LGI3: variants seen among roughly 807,000 people sequenced by gnomAD.
LGI3 encodes leucine rich repeat LGI family member 3, also known as leucine-rich repeat LGI family member 3.
A neutral mutation model predicts 55.4 loss-of-function variants in LGI3; 47 were observed. The observed-to-expected ratio is 0.85, with a 90% CI of 0.67 to 1.08. The LOEUF is 1.08. Among genes scored for constraint, LGI3 ranks in the 50% least tolerant of loss-of-function variants. The pLI is 0.00. For synonymous variants in LGI3, 326 were observed against 315.0 expected (o/e 1.04, Z -0.37); for missense variants, 664 against 726.3 (o/e 0.91, Z 0.99).
chr8:22,155,537 G>A (rs1827478778), intron 1 of LGI3, 74 bp from the exon 2 acceptor site: 2 of 1,250,144 alleles, frequency 1.6e-6, no homozygotes, highest in South Asian at 1.2e-5. Flanking sequence ...GAACACGGAG[G>A]GCAGTAGCTT....
chr8:22,154,289 C>A, intron 3 of LGI3, 76 bp from the exon 4 acceptor site: 1 of 1,241,828 alleles, frequency 8.1e-7, no homozygotes, highest in Non-Finnish European at 1.2e-6. Flanking sequence ...TACGCCCCAG[C>A]CTAGATTTCA....
Position 22,148,656 on chromosome 8 carries a change from C to T in LGI3, c.1151G>A (p.Gly384Asp), listed in dbSNP as rs1248201678. 1 of 1,613,896 alleles carries T rather than the reference C, an allele frequency of 6.2e-7. No individual in the cohort carries two copies. The highest frequency in any genetic ancestry group is 2.2e-5 in the East Asian group (1 of 44,888). ...HRDTDLEFVD[G>D]EGKPRLIVSS... ...CACAATCAGCCGTGGCTTGCCCTCGCCGTCCACAAACTCCAGGTCGGTGTC... is the reference window on the plus strand; with the variant it reads ...CACAATCAGCCGTGGCTTGCCCTCGTCGTCCACAAACTCCAGGTCGGTGTC... The change falls in exon 8 of 8, where the codon GGC becomes GAC. Residue 384 changes from glycine (G) to aspartate (D), a missense_variant. By Grantham distance (94) the Gly-to-Asp change is moderately conservative. Transcript: ENST00000306317. This position sits in a 1 kb window ranked among gnomAD's most constrained non-coding sequence, Gnocchi z 7.0.
intron 1 of LGI3, 113 bp downstream of exon 1, chr8:22,156,224 C>A (rs1827495295): frequency 2.6e-6 from 3 of 1,172,468 alleles, no homozygotes; most frequent in South Asian, 1.3e-5. Flanking sequence ...CCCTGCAGTC[C>A]CCCTGGTCCC....
intron 1 of LGI3, 87 bp from the exon 2 acceptor site, chr8:22,155,550 G>T: frequency 9.3e-7 from 1 of 1,075,896 alleles, no homozygotes; most frequent in Non-Finnish European, 1.4e-6. Flanking sequence ...AGTAGCTTTT[G>T]TACTCACTTG....
At chr8:22,149,362 C>T (rs1827349325) in intron 7 of LGI3, among the ~76,000 whole-genome samples, 2 of 152,072 alleles carry the variant, frequency 1.3e-5, no homozygotes, top group South Asian at 4.2e-4. Context: ...TGGAAAGGAC[C>T]CTGTGATTTT....
At position 22,156,562 on chromosome 8, in the gene LGI3, T is replaced by G. The variant is rs1306269887; in HGVS notation, c.-20A>C. The G allele has an allele frequency of 2.4e-5, 25 of 1,050,300 alleles. No individual in the cohort carries two copies. Among genetic ancestry groups the G allele is most frequent in the Middle Eastern group, 6.9e-4 (2 of 2,880 alleles). 65.1% of individuals were successfully genotyped at this position (1,050,300 alleles called of 1,614,324 possible). ...CGCCATGCTGCCCGCGATCTCTCCC[T>G]GGGGCCGGCGGCCGCGGCCCCCGCC... On this transcript the variant is annotated 5_prime_UTR_variant, in exon 1 of 8. Coordinates refer to ENST00000306317, the MANE Select transcript of LGI3 (RefSeq NM_139278.4).
At chr8:22,155,772 C>A (rs1827484549) in intron 1 of LGI3, among the ~76,000 whole-genome samples, 1 of 152,224 alleles carries the variant, frequency 6.6e-6, no homozygotes, top group Admixed American at 6.5e-5. Context: ...GGGCTGGGTG[C>A]TGTTGAGAGA....
Position 22,155,407 on chromosome 8 carries a change from G to A in LGI3, c.263C>T (p.Pro88Leu), listed in dbSNP as rs766861416. The change falls in exon 2 of 8, where the codon CCG becomes CTG. Residue 88 changes from proline to leucine, a missense_variant. Transcript: ENST00000306317. ...CTATCCATACAAGAACTGCAGCAGC[G>A]GGAGGTGGGAGAACGCTCCATCCTG... Reference protein sequence around the residue: ...EIQDGAFSHLPLLQFLLLNSN... With the variant: ...EIQDGAFSHLLLLQFLLLNSN... The A allele has an allele frequency of 6.2e-6, 10 of 1,613,750 alleles. No homozygotes were observed. The highest frequency in any genetic ancestry group is 1.7e-5 in the Admixed American group (1 of 59,994).
At chr8:22,152,763 CAT>C (rs1827396861) in intron 5 of LGI3, among the ~76,000 whole-genome samples, 1 of 140,766 alleles carries the variant, frequency 7.1e-6, no homozygotes. Flanking sequence ...AAAAAAAGCA[CAT>C]GTTGGCCGCG....
chr8:22,155,268 A>G, intron 2 of LGI3, 124 bp downstream of exon 2: 1 of 884,882 alleles, frequency 1.1e-6, no homozygotes. Context: ...AACAAAAGCA[A>G]GGGACACCTG....
At chr8:22,155,897 A>C (rs1490416526) in intron 1 of LGI3, among the ~76,000 whole-genome samples, 2 of 152,208 alleles carry the variant, frequency 1.3e-5, no homozygotes, top group African/African-American at 4.8e-5. Context: ...AGGCTGGCCG[A>C]GCTGAGTGCC....
chr8:22,153,694 G>A (rs1440331404), intron 5 of LGI3, among the ~76,000 whole-genome samples: 3 of 148,936 alleles, frequency 2.0e-5, no homozygotes, highest in East Asian at 4.0e-4. Flanking sequence ...GTGACAGAGT[G>A]AGACTCCGTC....
chr8:22,153,925 G>GC (rs752458942), intron 5 of LGI3, 43 bp downstream of exon 5: 1 of 1,586,738 alleles, frequency 6.3e-7, no homozygotes, highest in Admixed American at 1.7e-5. Context: ...CCAGGGATGC[G>GC]CCCTCTGCGG....
intron 3 of LGI3, 98 bp from the exon 4 acceptor site, chr8:22,154,311 C>A: frequency 9.5e-7 from 1 of 1,050,152 alleles, no homozygotes; most frequent in Non-Finnish European, 1.5e-6. Context: ...CCCGTGTCCC[C>A]GAGACAGGTT....
At chr8:22,150,975 C>A (rs1199890861) in intron 7 of LGI3, among the ~76,000 whole-genome samples, 2 of 151,996 alleles carry the variant, frequency 1.3e-5, no homozygotes, top group East Asian at 3.9e-4. Context: ...TACTGCACAC[C>A]TCCTTGACTT....
Position 22,154,052 on chromosome 8 carries a change from C to A in LGI3, c.423-13G>T. Reference sequence around the variant, plus strand: ...GTTGGCCAGCGAGCTGCAAAAGAGACCGCCAGGTCATCTGAAGATCATGAG... The same window carrying A: ...GTTGGCCAGCGAGCTGCAAAAGAGAACGCCAGGTCATCTGAAGATCATGAG... On this transcript the variant is annotated splice_polypyrimidine_tract_variant and intron_variant, in intron 4 of 7. Coordinates refer to ENST00000306317, the MANE Select transcript of LGI3 (RefSeq NM_139278.4). The A allele has an allele frequency of 6.2e-7, 1 of 1,614,148 alleles. No homozygotes were observed. The highest frequency in any genetic ancestry group is 1.1e-5 in the South Asian group (1 of 91,088).
At chr8:22,154,247 A>T in intron 3 of LGI3, 34 bp from the exon 4 acceptor site, 2 of 1,564,166 alleles carry the variant, frequency 1.3e-6, no homozygotes, top group Non-Finnish European at 1.8e-6. Context: ...CAGTGCTCAC[A>T]CAGGATGCCA....
At chr8:22,155,557 C>G (rs770199542) in intron 1 of LGI3, 94 bp from the exon 2 acceptor site, 1 of 1,038,506 alleles carries the variant, frequency 9.6e-7, no homozygotes, top group Non-Finnish European at 1.5e-6. Context: ...TTTGTACTCA[C>G]TTGCCCTGGA....
In LGI3 at chr8:22,148,558, C is replaced by T. The variant is rs1827336748; in HGVS notation, c.1249G>A (p.Val417Met). 2 of 1,613,956 alleles carry T rather than the reference C, an allele frequency of 1.2e-6. No homozygotes were observed. The highest frequency in any genetic ancestry group is 2.2e-5 in the East Asian group (1 of 44,878). Residue 417 changes from valine to methionine, a missense_variant, in exon 8 of 8, where the codon GTG becomes ATG. Physicochemically the swap from Val to Met is conservative, Grantham distance 21. Coordinates refer to ENST00000306317, the MANE Select transcript of LGI3 (RefSeq NM_139278.4). This position sits in a 1 kb window ranked among gnomAD's most constrained non-coding sequence, Gnocchi z 7.0. ...GCTTGGGCATCAGGCACCTGGGTCA[C>T]CTCACCCTGGGCCACAAACTGCTTC... is the stretch of plus-strand genomic sequence containing the variant. The part of the protein sequence containing the change: ...TQKQFVAQGE[V>M]TQVPDAQAVK...
Sources: allele counts gnomAD v4.1 joint callset (sites outside exome capture counted in the v4.1 genomes callset), GRCh38; gene constraint gnomAD v4.1.1; non-coding constraint Gnocchi (gnomAD v3.1); transcripts MANE v1.5; gene names NCBI Gene and HGNC (gene_info 2026-07-23, HGNC 2026-07-21).